The following BNC2 variants were observed in gnomAD, a reference collection of about 807,000 sequenced individuals.
The protein encoded by BNC2 is zinc finger protein basonuclin-2.
In BNC2, 20 loss-of-function variants were observed where a neutral mutation model predicts 76.3. That is an observed-to-expected ratio of 0.26 (90% confidence interval 0.18 to 0.38). The LOEUF is 0.38. Ranked by LOEUF, BNC2 falls within the 10% of genes least tolerant of loss-of-function variation. The probability of loss-of-function intolerance (pLI) is 1.00; values close to 1 mark genes in which losing one functional copy is unlikely to be tolerated. For missense variants in BNC2, 1,382 were observed against 1,399.8 expected (o/e 0.99, Z 0.20); for synonymous variants, 582 against 514.8 (o/e 1.13, Z -1.77).
chr9:16,449,918 T>A (rs947535787), intron 5 of BNC2, among the ~76,000 whole-genome samples: 1 of 152,108 alleles, frequency 6.6e-6, no homozygotes, highest in African/African-American at 2.4e-5. Context: ...ATAGCTGATA[T>A]GGCATTCTGG....
chr9:16,452,271 C>G (rs1275682376), intron 5 of BNC2, among the ~76,000 whole-genome samples: 1 of 152,066 alleles, frequency 6.6e-6, no homozygotes, highest in Non-Finnish European at 1.5e-5. Flanking sequence ...GGTACATTTT[C>G]TTGATCAAAG....
At position 16,530,293 on chromosome 9, in the gene BNC2, GCTTCAT is replaced by G. The variant is rs199598055; in HGVS notation, c.669+22231_669+22236del. Among the ~76,000 whole-genome samples the G allele has an allele frequency of 4.3e-4, 65 of 151,998 alleles. 2 individuals are homozygous for G. The East Asian group carries it at 0.011, about 26-fold the overall frequency. On this transcript the variant is annotated intron_variant, in intron 5 of 6. Transcript: ENST00000380672. ...TTTGCAGATTTTCTCCCTGAATATAGCTTCATCTTCAAGTTTTATTATACCTGCAAA... is the reference window on the plus strand; with the variant it reads ...TTTGCAGATTTTCTCCCTGAATATAGCTTCAAGTTTTATTATACCTGCAAA...
In BNC2 at chr9:16,417,694, C is replaced by T. The variant is rs966308569; in HGVS notation, c.*1295G>A. On this transcript the variant is annotated 3_prime_UTR_variant, in exon 7 of 7. Coordinates refer to ENST00000380672, the MANE Select transcript of BNC2 (RefSeq NM_017637.6). ...GGTTAGGGCCTTGGAAATGAGTGTTCGACTCTTTTACTGTATTCATCTTTG... is the reference window on the plus strand; with the variant it reads ...GGTTAGGGCCTTGGAAATGAGTGTTTGACTCTTTTACTGTATTCATCTTTG... The T allele has an allele frequency of 1.5e-4, 23 of 152,664 alleles. No individual in the cohort carries two copies. The highest frequency in any genetic ancestry group is 5.1e-4 in the African/African-American group (21 of 41,536). The allele number at this position is 152,664 out of a possible 1,614,324, so 9.5% of individuals were successfully genotyped here.
chr9:16,449,185 C>A (rs1034217118), intron 5 of BNC2, among the ~76,000 whole-genome samples: 3 of 152,180 alleles, frequency 2.0e-5, no homozygotes, highest in Admixed American at 6.5e-5. Flanking sequence ...TGCCTTAATA[C>A]CCTCTTGTCC....
intron 5 of BNC2, among the ~76,000 whole-genome samples, chr9:16,535,040 C>T (rs1818087091): frequency 6.6e-6 from 1 of 152,060 alleles, no homozygotes; most frequent in Non-Finnish European, 1.5e-5. Flanking sequence ...AAATTTTTAA[C>T]TTTTGTCACA....
chr9:16,595,215 A>C lies in BNC2; in HGVS notation c.331-12130T>G, dbSNP rs112186182. 5.3e-3 allele frequency among the ~76,000 whole-genome samples: 806 copies of C among 152,266 alleles called. 6 individuals carry two copies. The highest frequency in any genetic ancestry group is 0.018 in the African/African-American group (760 of 41,560). On this transcript the variant is annotated intron_variant, in intron 3 of 6. Transcript: ENST00000380672. ...CCTGTCTTGGGACTGTCCATCAGCGACACATCTCAACAAACATTTTAATAC... is the reference window on the plus strand; with the variant it reads ...CCTGTCTTGGGACTGTCCATCAGCGCCACATCTCAACAAACATTTTAATAC...
At chr9:16,561,031 G>A (rs550909110) in intron 4 of BNC2, among the ~76,000 whole-genome samples, 1 of 152,196 alleles carries the variant, frequency 6.6e-6, no homozygotes, top group South Asian at 2.1e-4. Flanking sequence ...CAGAGGTCAG[G>A]AGTTTGTGAC....
At chr9:16,526,467 C>CTTTTTTTTTTTTTTTTTTTTT (rs144511624) in intron 5 of BNC2, among the ~76,000 whole-genome samples, 1 of 48,790 alleles carries the variant, frequency 2.0e-5, no homozygotes, top group African/African-American at 8.6e-5. Flanking sequence ...TAGTTTAATG[C>CTTTTTTTTTTTTTTTTTTTTT]TTTTTTTTTT....
chr9:16,716,027 C>T (rs536766324), intron 3 of BNC2, among the ~76,000 whole-genome samples: 2 of 152,052 alleles, frequency 1.3e-5, no homozygotes, highest in African/African-American at 4.8e-5. Flanking sequence ...AACTGATGAC[C>T]CAGCCTTACA....
At chr9:16,421,212 G>A in intron 6 of BNC2, 2 of 1,224,086 alleles carry the variant, frequency 1.6e-6, no homozygotes, top group Non-Finnish European at 2.2e-6. Flanking sequence ...GGTTTTAAGG[G>A]GCAGAGGGCA....
chr9:16,519,467 C>T (rs926217297), intron 5 of BNC2, among the ~76,000 whole-genome samples: 3 of 152,170 alleles, frequency 2.0e-5, no homozygotes, highest in African/African-American at 7.2e-5. Context: ...GTAGAGACAA[C>T]CCTCACTTCT....
At chr9:16,442,464 T>A (rs1363675016) in intron 5 of BNC2, among the ~76,000 whole-genome samples, 1 of 152,206 alleles carries the variant, frequency 6.6e-6, no homozygotes, top group Non-Finnish European at 1.5e-5. Flanking sequence ...GTTTAAATGG[T>A]TTTATCTGAG....
intron 5 of BNC2, among the ~76,000 whole-genome samples, chr9:16,538,097 T>C (rs971941282): frequency 6.6e-6 from 1 of 152,144 alleles, no homozygotes; most frequent in African/African-American, 2.4e-5. Flanking sequence ...GCAATCATAA[T>C]TTATATTAAC....
At chr9:16,523,330 G>C (rs1200354891) in intron 5 of BNC2, among the ~76,000 whole-genome samples, 1 of 151,872 alleles carries the variant, frequency 6.6e-6, no homozygotes, top group Non-Finnish European at 1.5e-5. Context: ...AATTAGCCGG[G>C]CAGGGTGGCA....
chr9:16,798,710 A>G (rs915323219), intron 1 of BNC2, among the ~76,000 whole-genome samples: 1 of 152,228 alleles, frequency 6.6e-6, no homozygotes, highest in Non-Finnish European at 1.5e-5. Flanking sequence ...TAGAAATTAT[A>G]GAGGAAATAC....
At chr9:16,860,058 G>C (rs1819359938) in intron 1 of BNC2, among the ~76,000 whole-genome samples, 1 of 151,292 alleles carries the variant, frequency 6.6e-6, no homozygotes, top group African/African-American at 2.4e-5. Context: ...GGAGGTGGAG[G>C]CTGCAGTGAG....
At chr9:16,521,894 G>A (rs538706140) in intron 5 of BNC2, among the ~76,000 whole-genome samples, 1 of 152,254 alleles carries the variant, frequency 6.6e-6, no homozygotes, top group Admixed American at 6.5e-5. Context: ...AGGCCTGTCT[G>A]TGACAATGTT....
chr9:16,776,318 T>G (rs918646332), intron 1 of BNC2, among the ~76,000 whole-genome samples: 1 of 152,134 alleles, frequency 6.6e-6, no homozygotes, highest in Admixed American at 6.5e-5. Context: ...TTTTGTATTT[T>G]TAGTAGAGAC....
At chr9:16,580,243 C>G in intron 4 of BNC2, 1 of 398,142 alleles carries the variant, frequency 2.5e-6, no homozygotes, top group East Asian at 3.6e-5. Flanking sequence ...GGCTAGAGGC[C>G]AACCCCTCAC....
Sources: gnomAD v4.1 joint callset for allele counts (sites outside exome capture counted in the v4.1 genomes callset) on GRCh38, gnomAD v4.1.1 for gene constraint, MANE v1.5 for transcripts, NCBI Gene and HGNC (gene_info 2026-07-23, HGNC 2026-07-21) for gene names.